The following SLC4A7 variants were observed in gnomAD, a reference collection of about 807,000 sequenced individuals.
SLC4A7 encodes the protein sodium bicarbonate cotransporter 3.
Under a neutral mutation model 137.6 loss-of-function variants are expected in SLC4A7, and 51 were observed. That is an observed-to-expected ratio of 0.37 (90% CI 0.30 to 0.47). The LOEUF is 0.47. Among genes scored for constraint, SLC4A7 ranks in the 20% least tolerant of loss-of-function variants. SLC4A7 has a pLI of 1.00. For missense variants in SLC4A7, 1,247 were observed against 1,525.4 expected (o/e 0.82, Z 3.04); for synonymous variants, 542 against 518.6 (o/e 1.05, Z -0.61).
chr3:27,473,659 G>GATCATA (rs1448455160), intron 1 of SLC4A7, among the ~76,000 whole-genome samples: 2 of 121,442 alleles, frequency 1.6e-5, no homozygotes, highest in Non-Finnish European at 3.2e-5. Context: ...AGTGAGCCGA[G>GATCATA]ATCATATCAG....
chr3:27,465,479 A>G (rs2058937684), intron 1 of SLC4A7, among the ~76,000 whole-genome samples: 1 of 150,334 alleles, frequency 6.7e-6, no homozygotes, highest in Non-Finnish European at 1.5e-5. Flanking sequence ...CACAGTAAAA[A>G]AAAAAAAAAA....
At chr3:27,481,324 G>A (rs1349165159) in intron 1 of SLC4A7, among the ~76,000 whole-genome samples, 1 of 152,184 alleles carries the variant, frequency 6.6e-6, no homozygotes, top group East Asian at 1.9e-4. Flanking sequence ...TTTAGGAGCA[G>A]AAGCAACCAT....
intron 24 of SLC4A7, 43 bp downstream of exon 24, chr3:27,383,110 T>A (rs1250759284): frequency 9.3e-7 from 1 of 1,070,448 alleles, no homozygotes; most frequent in African/African-American, 1.6e-5. Flanking sequence ...TTAATACATT[T>A]GACATGCATA....
chr3:27,479,486 T>C (rs1559860263), intron 1 of SLC4A7, among the ~76,000 whole-genome samples: 1 of 151,878 alleles, frequency 6.6e-6, no homozygotes. Flanking sequence ...GTCTAGTCCA[T>C]GAAAGGAAAG....
chr3:27,420,421 T>A (rs2054846497), intron 10 of SLC4A7, among the ~76,000 whole-genome samples: 5 of 151,628 alleles, frequency 3.3e-5, no homozygotes, highest in Admixed American at 6.6e-5. Flanking sequence ...AAATCTAGGA[T>A]AAAAAAAATC....
At chr3:27,452,289 G>A in intron 2 of SLC4A7, 128 bp downstream of exon 2, 1 of 596,820 alleles carries the variant, frequency 1.7e-6, no homozygotes, top group Non-Finnish European at 2.8e-6. Context: ...TCTTCTCAAT[G>A]TACGCTTTAC....
At chr3:27,472,420 T>C (rs2059287046) in intron 1 of SLC4A7, among the ~76,000 whole-genome samples, 1 of 152,098 alleles carries the variant, frequency 6.6e-6, no homozygotes, top group Admixed American at 6.6e-5. Context: ...AAACCCCATC[T>C]GTATGGGTTG....
At chr3:27,399,512 G>A (rs1050192145) in intron 16 of SLC4A7, among the ~76,000 whole-genome samples, 22 of 152,234 alleles carry the variant, frequency 1.4e-4, no homozygotes, top group Non-Finnish European at 4.4e-5. Context: ...ACAGCTCACT[G>A]TAATCTCCAA....
intron 11 of SLC4A7, among the ~76,000 whole-genome samples, chr3:27,416,286 T>C (rs992173796): frequency 6.6e-6 from 1 of 152,236 alleles, no homozygotes; most frequent in African/African-American, 2.4e-5. Flanking sequence ...GTAGTAACTA[T>C]GAAATTACAA....
intron 11 of SLC4A7, among the ~76,000 whole-genome samples, chr3:27,414,304 T>C (rs1179898423): frequency 2.0e-5 from 3 of 151,862 alleles, no homozygotes; most frequent in Non-Finnish European, 2.9e-5. Flanking sequence ...AAATACACAG[T>C]TGACTCTTGA....
At chr3:27,458,743 G>A (rs1054246371) in intron 1 of SLC4A7, among the ~76,000 whole-genome samples, 2 of 152,098 alleles carry the variant, frequency 1.3e-5, no homozygotes, top group Admixed American at 6.5e-5. Context: ...GTAATCCTAG[G>A]ACCCTGGGAG....
intron 1 of SLC4A7, among the ~76,000 whole-genome samples, chr3:27,463,668 A>T (rs1328573735): frequency 6.6e-6 from 1 of 152,142 alleles, no homozygotes; most frequent in Non-Finnish European, 1.5e-5. Context: ...GATGGGGTGG[A>T]GCCGCGAAGT....
chr3:27,476,045 T>A (rs2059447649), intron 1 of SLC4A7, among the ~76,000 whole-genome samples: 1 of 152,168 alleles, frequency 6.6e-6, no homozygotes, highest in African/African-American at 2.4e-5. Flanking sequence ...ACGGCTGACA[T>A]CTGGAATCTG....
At chr3:27,440,441 A>G (rs572181238) in intron 3 of SLC4A7, among the ~76,000 whole-genome samples, 1 of 152,216 alleles carries the variant, frequency 6.6e-6, no homozygotes, top group Non-Finnish European at 1.5e-5. Context: ...CAAAATTCTT[A>G]ACCCAGCCAG....
intron 22 of SLC4A7, among the ~76,000 whole-genome samples, chr3:27,386,603 C>CTGTGTAGT (rs1440389220): frequency 1.3e-5 from 2 of 152,022 alleles, no homozygotes; most frequent in Non-Finnish European, 2.9e-5. Context: ...TTTATGAGTT[C>CTGTGTAGT]TGTGTAGTTT....
At chr3:27,424,916 T>G (rs551904819) in intron 7 of SLC4A7, among the ~76,000 whole-genome samples, 11 of 152,326 alleles carry the variant, frequency 7.2e-5, no homozygotes, top group African/African-American at 2.4e-4. Context: ...AAATGATACT[T>G]GTTTGGATTT....
intron 24 of SLC4A7, among the ~76,000 whole-genome samples, chr3:27,380,231 C>T (rs921816975): frequency 2.0e-5 from 3 of 151,312 alleles, no homozygotes; most frequent in African/African-American, 4.9e-5. Context: ...CTCTTGAACC[C>T]GGGGGGCAGA....
At chr3:27,475,043 G>C (rs938289998) in intron 1 of SLC4A7, among the ~76,000 whole-genome samples, 2 of 152,114 alleles carry the variant, frequency 1.3e-5, no homozygotes, top group African/African-American at 4.8e-5. Context: ...CTGGGAGGTG[G>C]AGGTTGCAGT....
intron 3 of SLC4A7, among the ~76,000 whole-genome samples, chr3:27,447,051 CTTTT>C (rs568905316): frequency 7.6e-6 from 1 of 131,452 alleles, no homozygotes; most frequent in Non-Finnish European, 1.7e-5. Context: ...GCCAGCTAAA[CTTTT>C]TTTTTTTTTT....
Sources: gnomAD v4.1 joint callset for allele counts (sites outside exome capture counted in the v4.1 genomes callset) on GRCh38, gnomAD v4.1.1 for gene constraint, MANE v1.5 for transcripts, NCBI Gene and HGNC (gene_info 2026-07-23, HGNC 2026-07-21) for gene names.